SH3KBP1: variants seen among roughly 807,000 people sequenced by gnomAD.
SH3KBP1 encodes the protein SH3 domain containing kinase binding protein 1, also known as SH3 domain-containing kinase-binding protein 1.
Under a neutral mutation model 50.1 loss-of-function variants are expected in SH3KBP1, and 8 were observed. That is an observed-to-expected ratio of 0.16 (90% confidence interval 0.09 to 0.29). The LOEUF (loss-of-function observed/expected upper bound fraction) is 0.29. SH3KBP1 is among the 10% of genes least tolerant of loss of function. The probability of loss-of-function intolerance (pLI) is 1.00; values close to 1 mark genes in which losing one functional copy is unlikely to be tolerated. For synonymous variants in SH3KBP1, 227 were observed against 218.6 expected, an observed-to-expected ratio of 1.04 and a Z score of -0.34; for missense variants, 377 against 535.2, an observed-to-expected ratio of 0.70 and a Z score of 2.92.
At chrX:19,562,769 AC>A (rs2065722863) in intron 13 of SH3KBP1, among the ~76,000 whole-genome samples, 1 of 111,266 alleles carries the variant, frequency 9.0e-6, no homozygotes, top group Non-Finnish European at 1.9e-5. Context: ...AGCCTCTGTG[AC>A]CCTCTCCAAG....
At chrX:19,584,909 T>G (rs1036624472) in intron 12 of SH3KBP1, among the ~76,000 whole-genome samples, 8 of 111,490 alleles carry the variant, frequency 7.2e-5, no homozygotes, top group African/African-American at 2.6e-4. Context: ...TATCCATCCA[T>G]TCACCTGGTC....
intron 2 of SH3KBP1, among the ~76,000 whole-genome samples, chrX:19,806,963 T>C (rs142146978): frequency 0.023 from 2,534 of 111,924 alleles, 85 homozygotes; most frequent in African/African-American, 0.078. Context: ...AGAGTTCAAA[T>C]AACTGGGTTG....
At chrX:19,843,247 T>C (rs1484206634) in intron 1 of SH3KBP1, among the ~76,000 whole-genome samples, 2 of 109,619 alleles carry the variant, frequency 1.8e-5, no homozygotes, top group Non-Finnish European at 3.8e-5. Context: ...CTCGAACTCC[T>C]GACCTCAGGT....
At chrX:19,846,169 C>T (rs1289122656) in intron 1 of SH3KBP1, among the ~76,000 whole-genome samples, 1 of 111,484 alleles carries the variant, frequency 9.0e-6, no homozygotes, top group East Asian at 2.8e-4. Context: ...TCAAACAATT[C>T]TCCTGCCTTG....
chrX:19,569,241 A>G, intron 12 of SH3KBP1, 53 bp from the exon 13 acceptor site: 1 of 1,045,038 alleles, frequency 9.6e-7, no homozygotes, highest in Non-Finnish European at 1.3e-6. Context: ...TGTCCTTGTC[A>G]TTCTGTCAGT....
At chrX:19,649,333 T>A (rs1485672455) in intron 6 of SH3KBP1, among the ~76,000 whole-genome samples, 1 of 111,795 alleles carries the variant, frequency 8.9e-6, no homozygotes, top group East Asian at 2.8e-4. Flanking sequence ...TCTCAGGTTC[T>A]TCTCCCTAAC....
intron 2 of SH3KBP1, among the ~76,000 whole-genome samples, chrX:19,755,301 G>A (rs763802223): frequency 2.7e-5 from 3 of 112,012 alleles, no homozygotes; most frequent in African/African-American, 6.5e-5. Flanking sequence ...CCCAGGAGGC[G>A]GAGGTTGCAA....
intron 3 of SH3KBP1, among the ~76,000 whole-genome samples, chrX:19,734,638 A>G (rs189242837): frequency 8.9e-6 from 1 of 111,985 alleles, no homozygotes; most frequent in Non-Finnish European, 1.9e-5. Flanking sequence ...ATTTTAGAAC[A>G]TTTCTATCAC....
At chrX:19,668,121 A>T (rs1383384089) in intron 6 of SH3KBP1, among the ~76,000 whole-genome samples, 1 of 111,697 alleles carries the variant, frequency 9.0e-6, no homozygotes, top group Non-Finnish European at 1.9e-5. Context: ...CCCATAGTAC[A>T]TTAAGTTTTT....
At chrX:19,795,951 C>T (rs1474411122) in intron 2 of SH3KBP1, among the ~76,000 whole-genome samples, 1 of 111,755 alleles carries the variant, frequency 8.9e-6, no homozygotes, top group African/African-American at 3.3e-5. Flanking sequence ...GCATAGTTTA[C>T]ACCTCACCTA....
At chrX:19,599,315 T>TGTCACATTTAGAATGTAGC (rs2067005923) in intron 9 of SH3KBP1, among the ~76,000 whole-genome samples, 1 of 112,426 alleles carries the variant, frequency 8.9e-6, no homozygotes, top group Non-Finnish European at 1.9e-5. Context: ...TTTAATGTTG[T>TGTCACATTTAGAATGTAGC]GTCACATTTA....
At chrX:19,628,936 G>T (rs1490306725) in intron 8 of SH3KBP1, among the ~76,000 whole-genome samples, 1 of 110,664 alleles carries the variant, frequency 9.0e-6, no homozygotes, top group East Asian at 2.9e-4. Context: ...GTCTCTACTA[G>T]AAATACAAAA....
chrX:19,595,973 T>C (rs2066895340), intron 9 of SH3KBP1, among the ~76,000 whole-genome samples: 1 of 112,304 alleles, frequency 8.9e-6, no homozygotes, highest in Non-Finnish European at 1.9e-5. Flanking sequence ...CCACCTGCCC[T>C]TACACACAGG....
At chrX:19,873,288 A>G (rs368057905) in intron 1 of SH3KBP1, among the ~76,000 whole-genome samples, 11 of 89,495 alleles carry the variant, frequency 1.2e-4, no homozygotes, top group Middle Eastern at 5.4e-3. Flanking sequence ...ATATATATAT[A>G]TGTATATATA....
chrX:19,679,553 A>G (rs1012359268), intron 6 of SH3KBP1, among the ~76,000 whole-genome samples: 2 of 111,876 alleles, frequency 1.8e-5, no homozygotes, highest in Non-Finnish European at 3.8e-5. Flanking sequence ...CATTATTTTG[A>G]TACAGCACAT....
At chrX:19,727,843 G>A (rs1338045949) in intron 3 of SH3KBP1, among the ~76,000 whole-genome samples, 9 of 111,589 alleles carry the variant, frequency 8.1e-5, no homozygotes, top group Middle Eastern at 9.2e-3. Flanking sequence ...AACGTGCTGG[G>A]CGCGGTGGAA....
At chrX:19,870,501 C>T (rs776918387) in intron 1 of SH3KBP1, among the ~76,000 whole-genome samples, 1 of 111,608 alleles carries the variant, frequency 9.0e-6, no homozygotes, top group African/African-American at 3.3e-5. Flanking sequence ...TGCCGCCATG[C>T]CTGGCTAATT....
intron 8 of SH3KBP1, among the ~76,000 whole-genome samples, chrX:19,613,267 C>T (rs1423596413): frequency 8.9e-6 from 1 of 112,204 alleles, no homozygotes; most frequent in African/African-American, 3.2e-5. Context: ...TACACCAGGA[C>T]CCCAGGCATA....
At position 19,611,956 on chromosome X, in the gene SH3KBP1, G is replaced by GAAAAAAAAAAAAAAA. The variant is rs3036638; in HGVS notation, c.898-3926_898-3912dup. On this transcript the variant is annotated intron_variant, in intron 8 of 17. Coordinates refer to ENST00000397821, the MANE Select transcript of SH3KBP1 (RefSeq NM_031892.3). Reference sequence around the variant, plus strand: ...TGATTTAGTGCTACTAGCAGAAGTAGAAAAAAAAAAAAAAAAAAAAAACAA... The same window carrying GAAAAAAAAAAAAAAA: ...TGATTTAGTGCTACTAGCAGAAGTAGAAAAAAAAAAAAAAAAAAAAAAAAAAAAAAAAAAAAACAA... 5.0e-4 allele frequency among the ~76,000 whole-genome samples: 19 copies of GAAAAAAAAAAAAAAA among 38,024 alleles called. 1 individual carries two copies. Among genetic ancestry groups the GAAAAAAAAAAAAAAA allele is most frequent in the African/African-American group, 7.1e-4 (7 of 9,853 alleles). 33.0% of individuals were successfully genotyped at this position (38,024 alleles called of 115,157 possible).
Sources: allele counts gnomAD v4.1 joint callset (sites outside exome capture counted in the v4.1 genomes callset), GRCh38; gene constraint gnomAD v4.1.1; transcripts MANE v1.5; gene names NCBI Gene and HGNC (gene_info 2026-07-23, HGNC 2026-07-21).